KCNIP4: variants seen among roughly 807,000 people sequenced by gnomAD.
The protein encoded by KCNIP4 is potassium voltage-gated channel interacting protein 4, also known as Kv channel-interacting protein 4.
A neutral mutation model predicts 34.0 loss-of-function variants in KCNIP4; 12 were observed. That is an observed-to-expected ratio of 0.35 (90% CI 0.23 to 0.57). The LOEUF (loss-of-function observed/expected upper bound fraction) is 0.57. Ranked by LOEUF, KCNIP4 falls within the 20% of genes least tolerant of loss-of-function variation. The pLI is 0.83. For missense variants in KCNIP4, 238 were observed against 311.7 expected (o/e 0.76, Z 1.78); for synonymous variants, 124 against 102.2 (o/e 1.21, Z -1.29).
chr4:21,877,758 G>T (rs977722022), intron 1 of KCNIP4, among the ~76,000 whole-genome samples: 1 of 152,114 alleles, frequency 6.6e-6, no homozygotes, highest in African/African-American at 2.4e-5. Context: ...GGACCACCAG[G>T]TGTTCTCTAG....
At chr4:21,187,176 C>G (rs1159513792) in intron 1 of KCNIP4, among the ~76,000 whole-genome samples, 1 of 151,948 alleles carries the variant, frequency 6.6e-6, no homozygotes, top group East Asian at 1.9e-4. Context: ...TCAAAGTTAC[C>G]ATTCACATAG....
intron 1 of KCNIP4, among the ~76,000 whole-genome samples, chr4:21,689,686 A>G (rs1577850825): frequency 6.6e-6 from 1 of 152,324 alleles, no homozygotes; most frequent in Non-Finnish European, 1.5e-5. Context: ...TTCAGATATG[A>G]GATAAGTAAA....
At chr4:20,811,898 G>T (rs1715813654) in intron 3 of KCNIP4, among the ~76,000 whole-genome samples, 1 of 152,150 alleles carries the variant, frequency 6.6e-6, no homozygotes, top group South Asian at 2.1e-4. Flanking sequence ...GGATGGGCAG[G>T]TTGGGGCTGG....
At chr4:21,108,221 G>A (rs371417571) in intron 1 of KCNIP4, among the ~76,000 whole-genome samples, 12 of 149,510 alleles carry the variant, frequency 8.0e-5, no homozygotes, top group South Asian at 2.1e-4. Flanking sequence ...CATTCTCCCC[G>A]TCACTTTCAG....
chr4:21,451,667 C>T (rs962486879), intron 1 of KCNIP4, among the ~76,000 whole-genome samples: 1 of 152,110 alleles, frequency 6.6e-6, no homozygotes, highest in Non-Finnish European at 1.5e-5. Context: ...TGAAAGCTTC[C>T]TTAATGAAGT....
intron 1 of KCNIP4, among the ~76,000 whole-genome samples, chr4:21,665,522 CT>C (rs59119906): frequency 0.044 from 6,127 of 137,874 alleles, 118 homozygotes; most frequent in African/African-American, 0.057. Flanking sequence ...CCCCCCCCCC[CT>C]CATTTTATAC....
chr4:21,264,719 A>T (rs1001915028), intron 1 of KCNIP4, among the ~76,000 whole-genome samples: 2 of 152,206 alleles, frequency 1.3e-5, no homozygotes, highest in Non-Finnish European at 1.5e-5. Context: ...TAAATGAAAG[A>T]TATTATGGGG....
At chr4:21,934,356 C>A (rs1729732869) in intron 1 of KCNIP4, among the ~76,000 whole-genome samples, 2 of 151,960 alleles carry the variant, frequency 1.3e-5, no homozygotes, top group Non-Finnish European at 2.9e-5. Flanking sequence ...CTTTCATTGC[C>A]ATCCAAACCC....
In KCNIP4 at chr4:21,471,925, ATTC is replaced by A. The variant is rs370244018; in HGVS notation, c.61+476643_61+476645del. On this transcript the variant is annotated intron_variant, in intron 1 of 8. Coordinates refer to ENST00000382152, the MANE Select transcript of KCNIP4 (RefSeq NM_025221.6). ...ATTTAATCGATTTCTAAATAAAAATATTCTTCTTTCTTTTTATTGGTTGCATTT... is the reference window on the plus strand; with the variant it reads ...ATTTAATCGATTTCTAAATAAAAATATTCTTTCTTTTTATTGGTTGCATTT... Among the ~76,000 whole-genome samples, 30 of 152,344 alleles carry A rather than the reference ATTC, an allele frequency of 2.0e-4. No homozygotes were observed. The East Asian group carries it at 5.2e-3, about 26-fold the overall frequency.
At chr4:20,877,790 C>T (rs544535277) in intron 2 of KCNIP4, among the ~76,000 whole-genome samples, 1 of 152,036 alleles carries the variant, frequency 6.6e-6, no homozygotes, top group Non-Finnish European at 1.5e-5. Context: ...AGACAGTAAG[C>T]GTATCTGTAT....
At chr4:21,687,958 C>T (rs1398107516) in intron 1 of KCNIP4, among the ~76,000 whole-genome samples, 1 of 152,074 alleles carries the variant, frequency 6.6e-6, no homozygotes, top group Non-Finnish European at 1.5e-5. Context: ...TACCTCAGCC[C>T]CAGCACACCC....
chr4:20,894,027 C>T (rs1726234121), intron 1 of KCNIP4, among the ~76,000 whole-genome samples: 1 of 151,994 alleles, frequency 6.6e-6, no homozygotes, highest in Non-Finnish European at 1.5e-5. Flanking sequence ...ATTACAGGTG[C>T]CTGCCACCAC....
At chr4:21,756,926 A>C (rs1443310225) in intron 1 of KCNIP4, among the ~76,000 whole-genome samples, 1 of 151,506 alleles carries the variant, frequency 6.6e-6, no homozygotes, top group Non-Finnish European at 1.5e-5. Flanking sequence ...TGAAATCCCT[A>C]TCTCCACTAA....
chr4:20,761,902 A>T (rs148251535), intron 3 of KCNIP4, among the ~76,000 whole-genome samples: 10 of 152,294 alleles, frequency 6.6e-5, no homozygotes, highest in Non-Finnish European at 1.5e-4. Flanking sequence ...ATTAGTTTAC[A>T]TCTCTACAAA....
chr4:21,845,068 A>G (rs541261869), intron 1 of KCNIP4: 60 of 152,144 alleles, frequency 3.9e-4, no homozygotes, highest in African/African-American at 1.4e-3. Flanking sequence ...TTTAAAACCT[A>G]CCCACATATA....
intron 1 of KCNIP4, among the ~76,000 whole-genome samples, chr4:21,039,175 C>T (rs1024314837): frequency 6.6e-6 from 1 of 152,058 alleles, no homozygotes; most frequent in Non-Finnish European, 1.5e-5. Context: ...GTCTGGCCAA[C>T]ATGGTGAAAC....
In KCNIP4 at chr4:21,692,827, A is replaced by ATTT. The variant is rs35231092; in HGVS notation, c.61+255741_61+255743dup. On this transcript the variant is annotated intron_variant, in intron 1 of 8. Coordinates refer to ENST00000382152, the MANE Select transcript of KCNIP4 (RefSeq NM_025221.6). ...GAACTGGGAAATAGAAAATCCTGTC[A>ATTT]TTTTTTTTTTTTTTTTTTTTTTTGC... Among the ~76,000 whole-genome samples the ATTT allele has an allele frequency of 5.6e-3, 490 of 87,260 alleles. 35 individuals are homozygous for ATTT. The highest frequency in any genetic ancestry group is 0.02 in the African/African-American group (450 of 22,234). The allele number at this position is 87,260 out of a possible 152,430, so 57.2% of individuals were successfully genotyped here. A position where few individuals can be genotyped will look rare whatever the true frequency, so the allele number is the denominator to read the frequency against.
At chr4:21,527,747 A>G (rs796240440) in intron 1 of KCNIP4, among the ~76,000 whole-genome samples, 1 of 152,190 alleles carries the variant, frequency 6.6e-6, no homozygotes, top group South Asian at 2.1e-4. Flanking sequence ...TTGTATAATC[A>G]CGAAAAGGAA....
chr4:20,920,836 A>G (rs1477119431), intron 1 of KCNIP4, among the ~76,000 whole-genome samples: 3 of 152,098 alleles, frequency 2.0e-5, no homozygotes, highest in African/African-American at 7.2e-5. Flanking sequence ...CTAAAAATAC[A>G]AAGTAAGCCA....
Sources: gnomAD v4.1 joint callset for allele counts (sites outside exome capture counted in the v4.1 genomes callset) on GRCh38, gnomAD v4.1.1 for gene constraint, MANE v1.5 for transcripts, NCBI Gene and HGNC (gene_info 2026-07-23, HGNC 2026-07-21) for gene names.